COL25A1: variants seen among roughly 807,000 people sequenced by gnomAD.
The protein encoded by COL25A1 is collagen type XXV alpha 1 chain.
In COL25A1, 103 loss-of-function variants were observed where a neutral mutation model predicts 128.4. The observed-to-expected ratio is 0.80, with a 90% CI of 0.68 to 0.94. The LOEUF (loss-of-function observed/expected upper bound fraction) is 0.94. COL25A1 is among the 40% of genes least tolerant of loss of function. The pLI is 0.00. For missense variants in COL25A1, 745 were observed against 840.0 expected, an observed-to-expected ratio of 0.89 and a Z score of 1.40; for synonymous variants, 279 against 277.2, an observed-to-expected ratio of 1.01 and a Z score of -0.06.
At position 108,896,659 on chromosome 4, in the gene COL25A1, A is replaced by G; in HGVS notation, c.906+8T>C. 6.2e-7 allele frequency: 1 copy of G among 1,613,718 alleles called. No individual in the cohort carries two copies. Among genetic ancestry groups the G allele is most frequent in the Admixed American group, 1.7e-5 (1 of 60,002 alleles). On this transcript the variant is annotated splice_region_variant and intron_variant, in intron 16 of 37. Transcript: ENST00000399132. ...ATATGTACCCTTTCATGTCTTACAAAACTGTACCTTTTCGCCTGTGTCACC... is the reference window on the plus strand; with the variant it reads ...ATATGTACCCTTTCATGTCTTACAAGACTGTACCTTTTCGCCTGTGTCACC...
At chr4:109,270,458 C>A (rs1361499317) in intron 3 of COL25A1, among the ~76,000 whole-genome samples, 2 of 152,160 alleles carry the variant, frequency 1.3e-5, no homozygotes, top group African/African-American at 2.4e-5. Flanking sequence ...CATGAGTGAA[C>A]TCCCATTCAC....
chr4:109,296,748 T>C (rs1725025912), intron 3 of COL25A1, among the ~76,000 whole-genome samples: 1 of 152,084 alleles, frequency 6.6e-6, no homozygotes, highest in Non-Finnish European at 1.5e-5. Flanking sequence ...CTTCGTTCAT[T>C]ACACCACAGA....
chr4:109,055,622 T>C (rs570720096), intron 3 of COL25A1, among the ~76,000 whole-genome samples: 2 of 152,294 alleles, frequency 1.3e-5, no homozygotes, highest in African/African-American at 4.8e-5. Flanking sequence ...TTTTCGAACA[T>C]CGCTACTTAG....
At chr4:109,137,385 T>C (rs1034820579) in intron 3 of COL25A1, among the ~76,000 whole-genome samples, 2 of 152,312 alleles carry the variant, frequency 1.3e-5, no homozygotes, top group Admixed American at 1.3e-4. Context: ...TGTATAAAAC[T>C]TGTACCTCAC....
chr4:109,080,724 CTATT>C (rs1763764483), intron 3 of COL25A1, among the ~76,000 whole-genome samples: 1 of 152,084 alleles, frequency 6.6e-6, no homozygotes, highest in South Asian at 2.1e-4. Flanking sequence ...AAACGGCTTC[CTATT>C]TATTACTATT....
At chr4:109,129,485 G>A (rs1020477041) in intron 3 of COL25A1, among the ~76,000 whole-genome samples, 2 of 151,982 alleles carry the variant, frequency 1.3e-5, no homozygotes, top group African/African-American at 4.8e-5. Context: ...CCCAATCATT[G>A]TGCTCAAATC....
At chr4:109,139,824 C>G (rs570919468) in intron 3 of COL25A1, among the ~76,000 whole-genome samples, 114 of 150,446 alleles carry the variant, frequency 7.6e-4, no homozygotes, top group Non-Finnish European at 9.8e-4. Context: ...CCCACCCCCT[C>G]CCCCCGACCC....
chr4:108,919,403 A>G (rs13134663), intron 12 of COL25A1, among the ~76,000 whole-genome samples: 71,328 of 151,978 alleles, frequency 0.47, 19,374 homozygotes, highest in East Asian at 0.93. Context: ...ACATTATTGC[A>G]AAGGACAAAA....
At chr4:108,988,828 G>C (rs1229243275) in intron 6 of COL25A1, among the ~76,000 whole-genome samples, 1 of 152,074 alleles carries the variant, frequency 6.6e-6, no homozygotes, top group Admixed American at 6.5e-5. Flanking sequence ...TTTTCCTCTG[G>C]GTCTTCGACT....
At chr4:109,223,944 C>T (rs1179488982) in intron 3 of COL25A1, among the ~76,000 whole-genome samples, 1 of 152,028 alleles carries the variant, frequency 6.6e-6, no homozygotes, top group African/African-American at 2.4e-5. Context: ...CTATATCTAC[C>T]GATTTTGAAA....
At chr4:109,277,242 A>G (rs1210681768) in intron 3 of COL25A1, among the ~76,000 whole-genome samples, 1 of 152,180 alleles carries the variant, frequency 6.6e-6, no homozygotes, top group Non-Finnish European at 1.5e-5. Context: ...TAAAAACTTC[A>G]ATAGAATTTA....
At chr4:108,917,775 G>C (rs1448463488) in intron 13 of COL25A1, among the ~76,000 whole-genome samples, 1 of 152,150 alleles carries the variant, frequency 6.6e-6, no homozygotes, top group Non-Finnish European at 1.5e-5. Context: ...CCTTCTATGA[G>C]AATAACTTTT....
intron 5 of COL25A1, among the ~76,000 whole-genome samples, chr4:109,036,395 A>T (rs940788545): frequency 4.6e-5 from 7 of 152,338 alleles, no homozygotes; most frequent in Admixed American, 2.0e-4. Context: ...CAAGAATTCT[A>T]TAATAGTTTC....
chr4:109,008,079 G>A (rs933376890), intron 6 of COL25A1, among the ~76,000 whole-genome samples: 2 of 152,036 alleles, frequency 1.3e-5, no homozygotes, highest in East Asian at 1.9e-4. Context: ...TATAAGACAC[G>A]AGCACTTGGA....
intron 3 of COL25A1, among the ~76,000 whole-genome samples, chr4:109,260,153 A>C (rs951474224): frequency 6.6e-6 from 1 of 152,148 alleles, no homozygotes; most frequent in African/African-American, 2.4e-5. Flanking sequence ...CAATATTTTG[A>C]CGATGTTTTC....
At chr4:109,224,921 C>T (rs543633925) in intron 3 of COL25A1, among the ~76,000 whole-genome samples, 1 of 152,284 alleles carries the variant, frequency 6.6e-6, no homozygotes, top group South Asian at 2.1e-4. Flanking sequence ...GCCTGGGCAA[C>T]AAGAGTGAAA....
intron 6 of COL25A1, among the ~76,000 whole-genome samples, chr4:108,980,267 G>T (rs533112939): frequency 6.6e-6 from 1 of 152,278 alleles, no homozygotes; most frequent in Admixed American, 6.5e-5. Context: ...TTTGAATTAA[G>T]GTTGTGCTAG....
intron 3 of COL25A1, among the ~76,000 whole-genome samples, chr4:109,088,051 A>G (rs1274884567): frequency 6.7e-6 from 1 of 149,610 alleles, no homozygotes; most frequent in African/African-American, 2.5e-5. Context: ...TTAAATATAT[A>G]TATTTTATAT....
chr4:109,244,822 G>A (rs187306100), intron 3 of COL25A1, among the ~76,000 whole-genome samples: 2 of 152,126 alleles, frequency 1.3e-5, no homozygotes, highest in African/African-American at 4.8e-5. Flanking sequence ...TTTAAAATTT[G>A]CTTCCCAGAA....
Sources: allele counts gnomAD v4.1 joint callset (sites outside exome capture counted in the v4.1 genomes callset), GRCh38; gene constraint gnomAD v4.1.1; transcripts MANE v1.5; gene names NCBI Gene and HGNC (gene_info 2026-07-23, HGNC 2026-07-21).